Variants in OLFM3 observed in about 807,000 individuals in gnomAD.
OLFM3 encodes the protein olfactomedin 3.
OLFM3 carries 20 observed loss-of-function variants against 48.6 expected under a neutral mutation model. That is an observed-to-expected ratio of 0.41 (90% CI 0.29 to 0.60). The LOEUF is 0.60. Ranked by LOEUF, OLFM3 falls within the 20% of genes least tolerant of loss-of-function variation. The probability of loss-of-function intolerance (pLI) is 0.28; values close to 1 mark genes in which losing one functional copy is unlikely to be tolerated. For missense variants in OLFM3, 437 were observed against 544.3 expected (o/e 0.80, Z 1.96); for synonymous variants, 222 against 198.1 (o/e 1.12, Z -1.01).
rs1307769088 is a variant in OLFM3, at chr1:101,996,922, C to G, written c.-106G>C. On this transcript the variant is annotated 5_prime_UTR_variant, in exon 1 of 6. Transcript: ENST00000370103. ...GCACTTTCTGCCTGCCAGTCAGAGCCGAGTGGAAGCAGAGGCGGCGGCAGC... is the reference window on the plus strand; with the variant it reads ...GCACTTTCTGCCTGCCAGTCAGAGCGGAGTGGAAGCAGAGGCGGCGGCAGC... 2 of 1,212,136 alleles carry G rather than the reference C, an allele frequency of 1.6e-6. No individual in the cohort carries two copies. The highest frequency in any genetic ancestry group is 2.4e-6 in the Non-Finnish European group (2 of 831,428). 75.1% of individuals were successfully genotyped at this position (1,212,136 alleles called of 1,614,324 possible).
chr1:101,951,336 G>A (rs1660139526), intron 1 of OLFM3, among the ~76,000 whole-genome samples: 1 of 152,176 alleles, frequency 6.6e-6, no homozygotes, highest in African/African-American at 2.4e-5. Flanking sequence ...GAAAATCAAA[G>A]TATCAACCTA....
intron 1 of OLFM3, among the ~76,000 whole-genome samples, chr1:101,951,385 T>A (rs1660140915): frequency 6.6e-6 from 1 of 152,204 alleles, no homozygotes; most frequent in Non-Finnish European, 1.5e-5. Context: ...CACAATGGTC[T>A]CATTCCTATC....
At chr1:101,938,571 G>T (rs1659692917) in intron 1 of OLFM3, among the ~76,000 whole-genome samples, 1 of 152,210 alleles carries the variant, frequency 6.6e-6, no homozygotes, top group Non-Finnish European at 1.5e-5. Flanking sequence ...TAGCACAAAT[G>T]TCTCTTAAAG....
chr1:101,920,276 G>T (rs575486160), intron 1 of OLFM3, among the ~76,000 whole-genome samples: 1 of 152,244 alleles, frequency 6.6e-6, no homozygotes, highest in African/African-American at 2.4e-5. Context: ...AAAATCCAAA[G>T]TCAGGATAGT....
rs761725336 is a variant in OLFM3, at chr1:101,804,583, C to T, written c.1032G>A (p.Gln344=). Residue 344 remains glutamine (Q), a synonymous_variant, in exon 6 of 6, where the codon CAG becomes CAA. Coordinates refer to ENST00000370103, the MANE Select transcript of OLFM3 (RefSeq NM_058170.4). This position sits in a 1 kb window ranked among gnomAD's most constrained non-coding sequence, Gnocchi z 4.5. ...GGCTGATGACAATATTGCCTGCATT[C>T]TGGTTAGTTGCATACACAGCCCACA... The part of the protein sequence containing the change: ...IGLWAVYATN[Q]NAGNIVISQL... 5 of 1,612,430 alleles carry T rather than the reference C, an allele frequency of 3.1e-6. No individual in the cohort carries two copies. The African/African-American group carries it at 5.4e-5, about 17-fold the overall frequency.
chr1:101,849,807 G>A (rs1656154294), intron 1 of OLFM3, among the ~76,000 whole-genome samples: 1 of 152,204 alleles, frequency 6.6e-6, no homozygotes, highest in African/African-American at 2.4e-5. Context: ...AGAACGTTTA[G>A]TTTGGGGGTT....
Position 101,820,644 on chromosome 1 carries a change from T to C in OLFM3, c.592+4382A>G, listed in dbSNP as rs1049290491. 3.3e-5 allele frequency among the ~76,000 whole-genome samples: 5 copies of C among 152,076 alleles called. 1 individual carries two copies. Among genetic ancestry groups the C allele is most frequent in the Non-Finnish European group, 7.4e-5 (5 of 67,978 alleles). The stretch of plus-strand genomic sequence containing the variant: ...TTTCTAGTAGAAATAAGCAAAATGG[T>C]GCCCATGGTGCCCCAGTGGTCTTGA... On this transcript the variant is annotated intron_variant, in intron 4 of 5. Coordinates refer to ENST00000370103, the MANE Select transcript of OLFM3 (RefSeq NM_058170.4).
chr1:101,910,145 A>C, intron 1 of OLFM3: 5 of 985,204 alleles, frequency 5.1e-6, no homozygotes, highest in Non-Finnish European at 6.0e-6. Flanking sequence ...TCATCACAAG[A>C]TGTTTATCGA....
chr1:101,908,757 C>G (rs1658641174), intron 1 of OLFM3, among the ~76,000 whole-genome samples: 1 of 152,072 alleles, frequency 6.6e-6, no homozygotes, highest in Non-Finnish European at 1.5e-5. Flanking sequence ...TAGAAGGAGG[C>G]AGCCACACAG....
At chr1:101,825,591 T>C (rs1654823010) in intron 3 of OLFM3, among the ~76,000 whole-genome samples, 1 of 152,304 alleles carries the variant, frequency 6.6e-6, no homozygotes, top group Middle Eastern at 3.4e-3. Flanking sequence ...ATTATCTAGT[T>C]AGGAAATATA....
chr1:101,922,523 G>A (rs1659129865), intron 1 of OLFM3, among the ~76,000 whole-genome samples: 8 of 152,110 alleles, frequency 5.3e-5, no homozygotes, highest in Admixed American at 4.6e-4. Flanking sequence ...CAAGCTGACA[G>A]GTCAGATGTT....
chr1:101,883,936 CT>C (rs368907486), intron 1 of OLFM3, among the ~76,000 whole-genome samples: 19 of 148,794 alleles, frequency 1.3e-4, no homozygotes, highest in East Asian at 3.9e-4. Context: ...AACTTACTAT[CT>C]TTTTTTTTTA....
chr1:101,804,019 A>G lies in OLFM3; in HGVS notation c.*219T>C, dbSNP rs1309105704. ...TTTTTTTTTTAGTGCTTTTCATGAC[A>G]AGGACATGATAGGCCTTGTAAATTT... On this transcript the variant is annotated 3_prime_UTR_variant, in exon 6 of 6. Transcript: ENST00000370103. The surrounding 1 kb of genome is among the most constrained non-coding windows in gnomAD (Gnocchi z 4.5). 1.1e-5 allele frequency: 4 copies of G among 362,868 alleles called. No homozygotes were observed. Among genetic ancestry groups the G allele is most frequent in the Non-Finnish European group, 2.0e-5 (4 of 203,690 alleles). 22.5% of individuals were successfully genotyped at this position (362,868 alleles called of 1,614,324 possible).
intron 1 of OLFM3, among the ~76,000 whole-genome samples, chr1:101,941,055 C>G (rs1051432309): frequency 1.3e-5 from 2 of 152,074 alleles, no homozygotes. Context: ...TAAAGGAACC[C>G]TTCTGGACCA....
chr1:101,825,786 G>A (rs1250772690), intron 3 of OLFM3, among the ~76,000 whole-genome samples: 1 of 152,094 alleles, frequency 6.6e-6, no homozygotes, highest in Non-Finnish European at 1.5e-5. Context: ...TTCCATCATG[G>A]CCATCAACCA....
At chr1:101,862,264 C>T (rs1010110292) in intron 1 of OLFM3, among the ~76,000 whole-genome samples, 1 of 152,172 alleles carries the variant, frequency 6.6e-6, no homozygotes, top group African/African-American at 2.4e-5. Flanking sequence ...TTTTACTGAT[C>T]TGATTTCAAA....
intron 1 of OLFM3, among the ~76,000 whole-genome samples, chr1:101,837,323 A>C (rs1460837824): frequency 6.6e-6 from 1 of 152,182 alleles, no homozygotes; most frequent in Non-Finnish European, 1.5e-5. Flanking sequence ...TTTTAATGCA[A>C]CTTTAGAAGC....
intron 1 of OLFM3, among the ~76,000 whole-genome samples, chr1:101,971,923 T>A (rs1489322793): frequency 6.6e-6 from 1 of 151,648 alleles, no homozygotes; most frequent in Non-Finnish European, 1.5e-5. Context: ...TTTTTATGTA[T>A]TTTATATATA....
At chr1:101,885,936 C>T (rs182482431) in intron 1 of OLFM3, among the ~76,000 whole-genome samples, 1 of 152,044 alleles carries the variant, frequency 6.6e-6, no homozygotes, top group Non-Finnish European at 1.5e-5. Context: ...GGCGTCAGCA[C>T]CCCTAAGCCT....
Sources: allele counts gnomAD v4.1 joint callset (sites outside exome capture counted in the v4.1 genomes callset), GRCh38; gene constraint gnomAD v4.1.1; non-coding constraint Gnocchi (gnomAD v3.1); transcripts MANE v1.5; gene names NCBI Gene and HGNC (gene_info 2026-07-23, HGNC 2026-07-21).